Variants in MAGI2 observed in about 807,000 individuals in gnomAD.
MAGI2 encodes the protein membrane-associated guanylate kinase, WW and PDZ domain-containing protein 2.
Under a neutral mutation model 133.3 loss-of-function variants are expected in MAGI2, and 35 were observed. The ratio of observed to expected loss-of-function variants is 0.26; its 90% CI spans 0.20 to 0.35. The LOEUF (loss-of-function observed/expected upper bound fraction) is 0.35. Ranked by LOEUF, MAGI2 falls within the 10% of genes least tolerant of loss-of-function variation. The pLI is 1.00. For synonymous variants in MAGI2, 729 were observed against 710.6 expected, an observed-to-expected ratio of 1.03 and a Z score of -0.41; for missense variants, 1,636 against 1,863.4, an observed-to-expected ratio of 0.88 and a Z score of 2.25.
intron 3 of MAGI2, among the ~76,000 whole-genome samples, chr7:78,583,020 T>C (rs1483602768): frequency 1.3e-5 from 2 of 152,218 alleles, no homozygotes; most frequent in Non-Finnish European, 2.9e-5. Context: ...GTGATTCTTT[T>C]ATTATAAGTG....
rs563092777 is a variant in MAGI2, at chr7:79,127,331, G to A, written c.302-120125C>T. 5.9e-5 allele frequency among the ~76,000 whole-genome samples: 9 copies of A among 152,068 alleles called. No individual in the cohort carries two copies. In the East Asian group the frequency reaches 1.7e-3, roughly 29 times the overall value. On this transcript the variant is annotated intron_variant, in intron 1 of 21. Transcript: ENST00000354212. ...TATATACCCAGTAATGGGATGGCTG[G>A]GTCAAATGGTATTTCTAGTTCTAGA... is the stretch of plus-strand genomic sequence containing the variant.
chr7:78,501,744 C>G lies in MAGI2; in HGVS notation c.798G>C (p.Glu266Asp). 6.2e-7 allele frequency: 1 copy of G among 1,614,002 alleles called. No individual in the cohort carries two copies. The highest frequency in any genetic ancestry group is 2.2e-5 in the East Asian group (1 of 44,870). ...HEDKSAGASG[E>D]MPSQPYPAPV... is the part of the protein sequence containing the mutation. ...GTGCAGGATAAGGCTGGGAGGGCAT[C>G]TCCCCTGAGGCACCTGCACTTTTGT... Residue 266 changes from glutamate (E) to aspartate (D), a missense_variant, in exon 5 of 22, where the codon GAG becomes GAC. This residue lies in a region of MAGI2 where 165 missense variants were observed against 128.4 expected (regional missense o/e 1.28). Coordinates refer to ENST00000354212, the MANE Select transcript of MAGI2 (RefSeq NM_012301.4).
At chr7:79,003,423 T>C (rs1807097479) in intron 2 of MAGI2, among the ~76,000 whole-genome samples, 1 of 152,222 alleles carries the variant, frequency 6.6e-6, no homozygotes. Flanking sequence ...AATGGAGTTA[T>C]CAAGGACCTA....
intron 1 of MAGI2, among the ~76,000 whole-genome samples, chr7:79,026,973 C>T (rs575096390): frequency 6.6e-6 from 1 of 152,220 alleles, no homozygotes; most frequent in South Asian, 2.1e-4. Flanking sequence ...GCTTAATTCA[C>T]TAATTATTAG....
chr7:78,660,144 G>T (rs1042772809), intron 2 of MAGI2, among the ~76,000 whole-genome samples: 1 of 137,972 alleles, frequency 7.2e-6, no homozygotes, highest in African/African-American at 2.7e-5. Context: ...AGGTGGGAGG[G>T]ATAGCATTAG....
chr7:78,605,044 A>G (rs1450602419), intron 3 of MAGI2, among the ~76,000 whole-genome samples: 2 of 152,190 alleles, frequency 1.3e-5, no homozygotes, highest in Non-Finnish European at 2.9e-5. Context: ...CTTTGTATGC[A>G]TGTGAGAGGA....
chr7:79,198,628 G>T (rs541622193), intron 1 of MAGI2, among the ~76,000 whole-genome samples: 5 of 152,062 alleles, frequency 3.3e-5, no homozygotes, highest in Non-Finnish European at 5.9e-5. Context: ...AGTGGCTCAT[G>T]CCTGTAATCC....
rs1441446731 is a variant in MAGI2 at position 78,586,115 on chromosome 7, CA to C, written c.538+41004del. Among the ~76,000 whole-genome samples, 10 of 152,266 alleles carry C rather than the reference CA, an allele frequency of 6.6e-5. No homozygotes were observed. In the South Asian group the frequency reaches 1.9e-3, roughly 28 times the overall value. On this transcript the variant is annotated intron_variant, in intron 3 of 21. Coordinates refer to ENST00000354212, the MANE Select transcript of MAGI2 (RefSeq NM_012301.4). ...CTTTCTCAACCTGTTACCTGATTAG[CA>C]AAATGGGAATAGCGTAGCGTGCTCT... is the stretch of plus-strand genomic sequence containing the variant.
intron 3 of MAGI2, chr7:78,618,809 C>A (rs1322991844): frequency 2.0e-5 from 3 of 150,916 alleles, no homozygotes; most frequent in Non-Finnish European, 4.4e-5. Context: ...CATCTGGAAT[C>A]AAAAAAAGTC....
chr7:78,233,292 GTC>G (rs1258606701), intron 10 of MAGI2, among the ~76,000 whole-genome samples: 1 of 152,142 alleles, frequency 6.6e-6, no homozygotes, highest in Non-Finnish European at 1.5e-5. Context: ...CATTAAAGGA[GTC>G]TGAAAAGAAG....
chr7:78,664,541 T>C (rs1813331187), intron 2 of MAGI2, among the ~76,000 whole-genome samples: 1 of 152,016 alleles, frequency 6.6e-6, no homozygotes, highest in Non-Finnish European at 1.5e-5. Context: ...TATGCACTAG[T>C]ATGTTTTTCT....
chr7:78,399,836 A>T (rs1200132220), intron 6 of MAGI2, among the ~76,000 whole-genome samples: 1 of 150,120 alleles, frequency 6.7e-6, no homozygotes, highest in Admixed American at 6.6e-5. Context: ...AAGGCATAAC[A>T]TTTACCATGG....
At chr7:79,002,767 A>G (rs1373573748) in intron 2 of MAGI2, among the ~76,000 whole-genome samples, 3 of 152,010 alleles carry the variant, frequency 2.0e-5, no homozygotes, top group Non-Finnish European at 4.4e-5. Flanking sequence ...AACTCAATAT[A>G]TAGTAGTTTC....
chr7:78,906,443 A>T (rs937960976), intron 2 of MAGI2, among the ~76,000 whole-genome samples: 11 of 152,164 alleles, frequency 7.2e-5, no homozygotes, highest in African/African-American at 2.4e-4. Flanking sequence ...TTACCTGCAT[A>T]CTGATGTTGA....
intron 1 of MAGI2, among the ~76,000 whole-genome samples, chr7:79,124,135 A>G (rs1160727127): frequency 2.6e-5 from 4 of 152,208 alleles, no homozygotes; most frequent in African/African-American, 9.7e-5. Flanking sequence ...TGGAATGAAA[A>G]GATTTATCTC....
rs148886627 is a variant in MAGI2 at position 78,402,429 on chromosome 7, T to G, written c.1046-33216A>C. On this transcript the variant is annotated intron_variant, in intron 6 of 21. Coordinates refer to ENST00000354212, the MANE Select transcript of MAGI2 (RefSeq NM_012301.4). ...GGCATGTATGTTTCCACCTGGGGTA[T>G]GCATGTGTGTGTGTCCACCTCGGGC... 8.6e-3 allele frequency among the ~76,000 whole-genome samples: 1,312 copies of G among 152,012 alleles called. 10 individuals are homozygous for G. Among genetic ancestry groups the G allele is most frequent in the Non-Finnish European group, 0.014 (922 of 67,966 alleles).
chr7:78,127,221 AG>A lies in MAGI2; in HGVS notation c.3398del (p.Pro1133LeufsTer42). The stretch of plus-strand genomic sequence containing the variant: ...CCTGGGGTTGTCTGTAGTCCGACAG[AG>A]GGTACTGCCTGGTGTCGGGGGAGTG... The part of the protein sequence containing the change: ...RQHSPDTRQY[P>X]LSDYRQPQDF... On this transcript the variant is annotated frameshift_variant, in exon 19 of 22. Transcript: ENST00000354212. LOFTEE classifies it high-confidence loss of function. The A allele has an allele frequency of 1.3e-6, 2 of 1,594,992 alleles. No individual in the cohort carries two copies.
intron 1 of MAGI2, among the ~76,000 whole-genome samples, chr7:79,313,538 A>C (rs1838459803): frequency 6.6e-6 from 1 of 152,150 alleles, no homozygotes; most frequent in Admixed American, 6.5e-5. Flanking sequence ...AATCGATTCA[A>C]TTTTGGCATT....
At chr7:79,061,792 C>A (rs892148566) in intron 1 of MAGI2, among the ~76,000 whole-genome samples, 4 of 152,028 alleles carry the variant, frequency 2.6e-5, no homozygotes, top group African/African-American at 9.7e-5. Flanking sequence ...TCGGATGTCA[C>A]ATAGTTGCCA....
Sources: gnomAD v4.1 joint callset for allele counts (sites outside exome capture counted in the v4.1 genomes callset) on GRCh38, gnomAD v4.1.1 for gene constraint, gnomAD v4.1.1 regional missense constraint, MANE v1.5 for transcripts, NCBI Gene and HGNC (gene_info 2026-07-23, HGNC 2026-07-21) for gene names.